KLHL4: variants seen among roughly 807,000 people sequenced by gnomAD.
The protein encoded by KLHL4 is kelch-like protein 4.
In KLHL4, 17 loss-of-function variants were observed where a neutral mutation model predicts 45.8. The ratio of observed to expected loss-of-function variants is 0.37; its 90% CI spans 0.25 to 0.56. The LOEUF (loss-of-function observed/expected upper bound fraction) is 0.56, where lower values mean the gene tolerates loss of function less well. Among genes scored for constraint, KLHL4 ranks in the 20% least tolerant of loss-of-function variants. The pLI, the probability that KLHL4 is intolerant of heterozygous loss-of-function variation, is 0.79. For synonymous variants in KLHL4, 224 were observed against 189.9 expected, an observed-to-expected ratio of 1.18 and a Z score of -1.47; for missense variants, 544 against 544.9, an observed-to-expected ratio of 1.00 and a Z score of 0.02.
chrX:87,639,637 G>A (rs992710772), intron 9 of KLHL4, among the ~76,000 whole-genome samples: 2 of 110,922 alleles, frequency 1.8e-5, no homozygotes. Context: ...AATCAAGATT[G>A]AAATAAAAAA....
chrX:87,666,828 A>G lies in KLHL4; in HGVS notation c.*294A>G. ...TACAAAATGCTAAAATATTTAATGA[A>G]AATTGATGGTGGCCACAGTGTGCAG... On this transcript the variant is annotated 3_prime_UTR_variant, in exon 11 of 11. Transcript: ENST00000373119. 1 of 802,668 alleles carries G rather than the reference A, an allele frequency of 1.2e-6. No individual in the cohort carries two copies. 66.1% of individuals were successfully genotyped at this position (802,668 alleles called of 1,213,427 possible). A position where few individuals can be genotyped will look rare whatever the true frequency, so the allele number is the denominator to read the frequency against.
chrX:87,639,632 A>C (rs1923384711), intron 9 of KLHL4, among the ~76,000 whole-genome samples: 1 of 111,493 alleles, frequency 9.0e-6, no homozygotes, highest in African/African-American at 3.3e-5. Context: ...AGTGAAATCA[A>C]GATTGAAATA....
intron 3 of KLHL4, 114 bp downstream of exon 3, chrX:87,614,684 T>C: frequency 1.2e-5 from 7 of 603,763 alleles, no homozygotes; most frequent in East Asian, 3.7e-5. Flanking sequence ...TTCATAGTAG[T>C]AATACTGCTA....
At chrX:87,630,144 T>G (rs1923051078) in intron 6 of KLHL4, among the ~76,000 whole-genome samples, 1 of 111,751 alleles carries the variant, frequency 8.9e-6, no homozygotes, top group South Asian at 3.7e-4. Flanking sequence ...TAATTCAATC[T>G]AATCAAGGAG....
At chrX:87,559,461 G>C in intron 1 of KLHL4, among the ~76,000 whole-genome samples, 1 of 111,671 alleles carries the variant, frequency 9.0e-6, no homozygotes, top group East Asian at 2.8e-4. Flanking sequence ...GCAGTGTTTT[G>C]ATTTGACACT....
At chrX:87,585,924 T>C (rs1293002436) in intron 1 of KLHL4, among the ~76,000 whole-genome samples, 1 of 110,692 alleles carries the variant, frequency 9.0e-6, no homozygotes, top group Non-Finnish European at 1.9e-5. Context: ...AATAAAGAGA[T>C]GGAAAAATAT....
At chrX:87,555,253 C>T (rs1269541828) in intron 1 of KLHL4, among the ~76,000 whole-genome samples, 1 of 108,397 alleles carries the variant, frequency 9.2e-6, no homozygotes, top group Non-Finnish European at 1.9e-5. Context: ...AGGGAGGATT[C>T]CCTCTTTTTC....
chrX:87,587,148 A>C, intron 1 of KLHL4, among the ~76,000 whole-genome samples: 1 of 85,850 alleles, frequency 1.2e-5, no homozygotes, highest in Non-Finnish European at 2.3e-5. Flanking sequence ...CATAAAATAA[A>C]GCAAAAAAAA....
chrX:87,655,671 C>T (rs1189089301), intron 9 of KLHL4, among the ~76,000 whole-genome samples: 2 of 110,860 alleles, frequency 1.8e-5, no homozygotes, highest in Non-Finnish European at 3.8e-5. Flanking sequence ...ATATTTAATC[C>T]ATATACAGTC....
At chrX:87,639,426 A>G (rs1410099516) in intron 9 of KLHL4, among the ~76,000 whole-genome samples, 3 of 111,801 alleles carry the variant, frequency 2.7e-5, no homozygotes, top group Non-Finnish European at 5.6e-5. Flanking sequence ...ATTCTCCAAG[A>G]TAGACCATAT....
intron 1 of KLHL4, among the ~76,000 whole-genome samples, chrX:87,546,291 C>T (rs895121836): frequency 9.0e-6 from 1 of 111,391 alleles, no homozygotes; most frequent in Non-Finnish European, 1.9e-5. Flanking sequence ...AGCTTGGTGC[C>T]CTGCATTTAG....
chrX:87,584,077 G>A (rs917124296), intron 1 of KLHL4, among the ~76,000 whole-genome samples: 1 of 111,769 alleles, frequency 8.9e-6, no homozygotes, highest in Non-Finnish European at 1.9e-5. Flanking sequence ...TGGTAAATCT[G>A]AGAATTCTCC....
intron 1 of KLHL4, among the ~76,000 whole-genome samples, chrX:87,597,989 T>A (rs867166015): frequency 9.3e-6 from 1 of 107,975 alleles, no homozygotes; most frequent in South Asian, 4.0e-4. Context: ...TTTTTTTTTT[T>A]AATTCAAATT....
chrX:87,651,292 T>A (rs1285599764), intron 9 of KLHL4, among the ~76,000 whole-genome samples: 4 of 111,148 alleles, frequency 3.6e-5, no homozygotes, highest in Admixed American at 9.6e-5. Flanking sequence ...CCAAACCATA[T>A]CATTCTACCC....
At chrX:87,518,807 A>G (rs746603887) in intron 1 of KLHL4, among the ~76,000 whole-genome samples, 37 of 112,033 alleles carry the variant, frequency 3.3e-4, no homozygotes, top group African/African-American at 1.1e-3. Context: ...TTATGTGACA[A>G]TATGGAATAT....
At chrX:87,527,943 G>C (rs1286719375) in intron 1 of KLHL4, among the ~76,000 whole-genome samples, 1 of 111,067 alleles carries the variant, frequency 9.0e-6, no homozygotes, top group Non-Finnish European at 1.9e-5. Flanking sequence ...CAGATCACTG[G>C]AGAATGAAAT....
In KLHL4 at chrX:87,616,352, T is replaced by C. The variant is rs917776960; in HGVS notation, c.728-1580T>C. Among the ~76,000 whole-genome samples the C allele has an allele frequency of 1.9e-4, 21 of 111,761 alleles. 1 individual carries two copies. Among genetic ancestry groups the C allele is most frequent in the African/African-American group, 6.5e-4 (20 of 30,877 alleles). ...TCATTCCTTCCTTCAACTTTCACCT[T>C]TCTCCTGACAAGCCTTTAAGCAAAA... On this transcript the variant is annotated intron_variant, in intron 3 of 10. Coordinates refer to ENST00000373119, the MANE Select transcript of KLHL4 (RefSeq NM_019117.5).
rs756726092 is a variant in KLHL4 at position 87,518,303 on chromosome X, A to T, written c.410A>T (p.Asp137Val). 1.7e-6 allele frequency: 2 copies of T among 1,204,648 alleles called. No homozygotes were observed. The highest frequency in any genetic ancestry group is 2.2e-6 in the Non-Finnish European group (2 of 891,898). ...LEMMADDNIEDSTARLDTQHS... is the reference protein window; with the variant it reads ...LEMMADDNIEVSTARLDTQHS... The stretch of plus-strand genomic sequence containing the variant: ...ATGATGGCTGATGACAATATAGAAG[A>T]TTCTACAGCAAGGTAAGAGTTTTTG... Residue 137 changes from aspartate (D) to valine (V), a missense_variant, in exon 1 of 11, where the codon GAT becomes GTT. Asp to Val is a radical substitution (Grantham distance 152). Transcript: ENST00000373119.
intron 9 of KLHL4, among the ~76,000 whole-genome samples, chrX:87,651,757 G>T (rs1023400704): frequency 8.9e-6 from 1 of 112,142 alleles, no homozygotes; most frequent in East Asian, 2.8e-4. Context: ...CTGGCATTGA[G>T]TGTCTGAGGC....
Sources: gnomAD v4.1 joint callset for allele counts (sites outside exome capture counted in the v4.1 genomes callset) on GRCh38, gnomAD v4.1.1 for gene constraint, MANE v1.5 for transcripts, NCBI Gene and HGNC (gene_info 2026-07-23, HGNC 2026-07-21) for gene names.